VPS13A: variants seen among roughly 807,000 people sequenced by gnomAD.
VPS13A encodes vacuolar protein sorting 13 homolog A, also known as intermembrane lipid transfer protein VPS13A.
In VPS13A, 264 loss-of-function variants were observed where a neutral mutation model predicts 390.9. The observed-to-expected ratio is 0.68, with a 90% confidence interval of 0.61 to 0.75. The LOEUF (loss-of-function observed/expected upper bound fraction) is 0.75. VPS13A is among the 30% of genes least tolerant of loss of function. The probability of loss-of-function intolerance (pLI) is 0.00; values close to 1 mark genes in which losing one functional copy is unlikely to be tolerated. For missense variants in VPS13A, 3,409 were observed against 3,733.9 expected (o/e 0.91, Z 2.27); for synonymous variants, 1,231 against 1,227.1 (o/e 1.00, Z -0.07).
intron 1 of VPS13A, among the ~76,000 whole-genome samples, chr9:77,190,700 A>G (rs529271393): frequency 7.2e-5 from 11 of 152,306 alleles, no homozygotes; most frequent in Admixed American, 6.5e-4. Flanking sequence ...TTATGAATCC[A>G]TCTGGTCCAG....
rs142096227 is a variant in VPS13A, at chr9:77,288,747, T to C, written c.3340-4594T>C. Among the ~76,000 whole-genome samples, 900 of 152,328 alleles carry C rather than the reference T, an allele frequency of 5.9e-3. 8 individuals carry two copies. The highest frequency in any genetic ancestry group is 0.02 in the African/African-American group (814 of 41,564). On this transcript the variant is annotated intron_variant, in intron 31 of 71. Transcript: ENST00000360280. ...TTAATATGTGTTTTGCTGGGTTGAA[T>C]GTTCCATTTGGGCAAGTAGGTTGGT...
intron 59 of VPS13A, among the ~76,000 whole-genome samples, chr9:77,365,053 CTTTA>C (rs1027996345): frequency 4.6e-5 from 7 of 152,108 alleles, no homozygotes; most frequent in African/African-American, 1.7e-4. Context: ...TCAACACCTT[CTTTA>C]TTTTATTATA....
intron 33 of VPS13A, among the ~76,000 whole-genome samples, chr9:77,302,114 C>T (rs767119483): frequency 2.6e-5 from 4 of 151,846 alleles, no homozygotes; most frequent in Non-Finnish European, 4.4e-5. Flanking sequence ...CCCACCACCA[C>T]GCCTGGTTAC....
chr9:77,179,917 T>C (rs754183490), intron 1 of VPS13A, among the ~76,000 whole-genome samples: 4 of 152,202 alleles, frequency 2.6e-5, no homozygotes, highest in Admixed American at 6.5e-5. Flanking sequence ...TCTGTCTTTA[T>C]GGATTTGGTA....
At chr9:77,284,002 T>C (rs1195256660) in intron 31 of VPS13A, among the ~76,000 whole-genome samples, 1 of 151,870 alleles carries the variant, frequency 6.6e-6, no homozygotes, top group Non-Finnish European at 1.5e-5. Flanking sequence ...CTCTGAATCT[T>C]GTAATGCATT....
At chr9:77,265,671 G>C (rs1244979265) in intron 23 of VPS13A, among the ~76,000 whole-genome samples, 1 of 151,990 alleles carries the variant, frequency 6.6e-6, no homozygotes, top group Non-Finnish European at 1.5e-5. Context: ...TATTGTGTCT[G>C]TTTGATTCTT....
At chr9:77,282,324 A>T (rs1237234058) in intron 29 of VPS13A, 50 bp downstream of exon 29, 3 of 1,519,920 alleles carry the variant, frequency 2.0e-6, no homozygotes, top group Non-Finnish European at 1.8e-6. Flanking sequence ...TTAACCATGT[A>T]GGTCAATAAA....
At chr9:77,409,047 A>G (rs1304770951) in intron 71 of VPS13A, among the ~76,000 whole-genome samples, 2 of 152,190 alleles carry the variant, frequency 1.3e-5, no homozygotes, top group Admixed American at 6.5e-5. Context: ...GCACCCCCCA[A>G]GTAGGGGCAG....
At chr9:77,292,496 G>C (rs1827736939) in intron 31 of VPS13A, among the ~76,000 whole-genome samples, 1 of 151,926 alleles carries the variant, frequency 6.6e-6, no homozygotes, top group South Asian at 2.1e-4. Context: ...AGGTTTGGAG[G>C]GGCCCTCACT....
chr9:77,357,768 C>T lies in VPS13A; in HGVS notation c.7883C>T (p.Pro2628Leu). The change falls in exon 56 of 72, where the codon CCA (proline) becomes CTA (leucine). Residue 2628 changes from proline (P) to leucine (L), a missense_variant. Physicochemically the swap from Pro to Leu is moderately conservative, Grantham distance 98. Coordinates refer to ENST00000360280, the MANE Select transcript of VPS13A (RefSeq NM_033305.3). The stretch of plus-strand genomic sequence containing the variant: ...ATAGCTCTACGAAGAAATTATCTTC[C>T]AGCATTAAAAGTGGAATATAACACA... ...HVIALRRNYL[P>L]ALKVEYNTSA... is the part of the protein sequence containing the mutation. 1.2e-6 allele frequency: 2 copies of T among 1,613,704 alleles called. No homozygotes were observed. Among genetic ancestry groups the T allele is most frequent in the Non-Finnish European group, 1.7e-6 (2 of 1,179,870 alleles).
At chr9:77,286,219 G>T (rs1827312679) in intron 31 of VPS13A, among the ~76,000 whole-genome samples, 1 of 152,096 alleles carries the variant, frequency 6.6e-6, no homozygotes, top group Non-Finnish European at 1.5e-5. Context: ...TCTGTGTCTG[G>T]AGAGTGGCCA....
chr9:77,390,493 C>T (rs1833856216), intron 68 of VPS13A, among the ~76,000 whole-genome samples: 1 of 151,974 alleles, frequency 6.6e-6, no homozygotes, highest in Non-Finnish European at 1.5e-5. Context: ...TTAGAACCTT[C>T]CAGTGTTATA....
chr9:77,339,222 T>G, intron 47 of VPS13A: 2 of 359,868 alleles, frequency 5.6e-6, no homozygotes, highest in South Asian at 9.1e-5. Flanking sequence ...TAGTGTTTTA[T>G]GTTTATAATT....
intron 40 of VPS13A, among the ~76,000 whole-genome samples, chr9:77,318,031 C>G (rs1829508148): frequency 6.6e-6 from 1 of 151,630 alleles, no homozygotes; most frequent in African/African-American, 2.4e-5. Flanking sequence ...CTGCAAGATT[C>G]ATGTAAATAT....
chr9:77,230,780 G>A (rs1227292736), intron 17 of VPS13A, among the ~76,000 whole-genome samples: 2 of 152,022 alleles, frequency 1.3e-5, no homozygotes, highest in Admixed American at 6.5e-5. Context: ...GATAAAGATT[G>A]TGTTGAATTT....
intron 70 of VPS13A, among the ~76,000 whole-genome samples, chr9:77,406,341 C>T (rs780447821): frequency 1.4e-4 from 21 of 152,182 alleles, no homozygotes; most frequent in Non-Finnish European, 2.8e-4. Context: ...CCCTTTCTAA[C>T]ATTAATACAT....
intron 71 of VPS13A, among the ~76,000 whole-genome samples, chr9:77,410,984 C>T (rs952767595): frequency 6.6e-6 from 1 of 152,194 alleles, no homozygotes; most frequent in African/African-American, 2.4e-5. Flanking sequence ...ACAGAATATA[C>T]ATTCTTTTCA....
chr9:77,192,830 A>G (rs889277023), intron 1 of VPS13A, among the ~76,000 whole-genome samples: 1 of 152,014 alleles, frequency 6.6e-6, no homozygotes, highest in Non-Finnish European at 1.5e-5. Context: ...GGGGATGGTC[A>G]TCTTGTATAG....
chr9:77,282,302 C>CTT (rs11316008), intron 29 of VPS13A, 28 bp downstream of exon 29: 598 of 1,362,538 alleles, frequency 4.4e-4, no homozygotes, highest in Middle Eastern at 7.3e-4. Context: ...TTAGCATCAA[C>CTT]TTTTTTTTTT....
Sources: gnomAD v4.1 joint callset for allele counts (sites outside exome capture counted in the v4.1 genomes callset) on GRCh38, gnomAD v4.1.1 for gene constraint, MANE v1.5 for transcripts, NCBI Gene and HGNC (gene_info 2026-07-23, HGNC 2026-07-21) for gene names.